The following BMP8A variants were observed in gnomAD, a reference collection of about 807,000 sequenced individuals.
The protein encoded by BMP8A is BMP-8A.
BMP8A carries 14 observed loss-of-function variants against 36.8 expected under a neutral mutation model. The observed-to-expected ratio is 0.38, with a 90% CI of 0.25 to 0.60. The LOEUF (loss-of-function observed/expected upper bound fraction) is 0.60, where lower values mean the gene tolerates loss of function less well. Among genes scored for constraint, BMP8A ranks in the 20% least tolerant of loss-of-function variants. BMP8A has a pLI of 0.63. For synonymous variants in BMP8A, 120 were observed against 237.7 expected (o/e 0.50, Z 4.55); for missense variants, 267 against 551.1 (o/e 0.48, Z 5.16).
At chr1:39,497,353 C>T (rs940091246) in intron 1 of BMP8A, among the ~76,000 whole-genome samples, 1 of 152,174 alleles carries the variant, frequency 6.6e-6, no homozygotes, top group East Asian at 1.9e-4. Context: ...GCCAGCCTCC[C>T]GGGGTTGCAT....
At chr1:39,503,729 G>A (rs980684394) in intron 1 of BMP8A, among the ~76,000 whole-genome samples, 8 of 151,786 alleles carry the variant, frequency 5.3e-5, no homozygotes, top group African/African-American at 1.9e-4. Flanking sequence ...TGGCCAGGAT[G>A]GTCTCGATCT....
chr1:39,513,960 TAA>T (rs1645377551), intron 3 of BMP8A, among the ~76,000 whole-genome samples: 1 of 151,112 alleles, frequency 6.6e-6, no homozygotes, highest in Non-Finnish European at 1.5e-5. Context: ...GACGCCAGAG[TAA>T]AGTGTTTCCA....
Position 39,526,053 on chromosome 1 carries a change from T to G in BMP8A, c.*255T>G. On this transcript the variant is annotated 3_prime_UTR_variant, in exon 7 of 7. Transcript: ENST00000331593. ...GCCTCAGAGCCTGTGCTGACTGCAC[T>G]GTCTGGAGTCAGCACAGAAGTCCTA... 1.8e-6 allele frequency: 1 copy of G among 560,502 alleles called. No homozygotes were observed. The highest frequency in any genetic ancestry group is 2.2e-5 in the South Asian group (1 of 46,400). 34.7% of individuals were successfully genotyped at this position (560,502 alleles called of 1,614,324 possible).
intron 1 of BMP8A, among the ~76,000 whole-genome samples, chr1:39,508,521 G>A (rs751710582): frequency 2.6e-5 from 4 of 152,206 alleles, no homozygotes; most frequent in African/African-American, 9.7e-5. Flanking sequence ...CCACAGGGTC[G>A]GGACTGGGAC....
intron 1 of BMP8A, among the ~76,000 whole-genome samples, chr1:39,496,268 G>A (rs1645204417): frequency 7.1e-6 from 1 of 140,188 alleles, no homozygotes; most frequent in Admixed American, 7.1e-5. Flanking sequence ...TGCCCTCAGG[G>A]AGATGACTTT....
chr1:39,492,215 T>A lies in BMP8A; in HGVS notation c.224T>A (p.Leu75His). ...TCCCGGCTGCCCGCGTCCGCGCCGC[T>A]CTTCATGCTGGACCTGTACCACGCC... ...AASRLPASAP[L>H]FMLDLYHAMA... The change falls in exon 1 of 7, where the codon CTC (leucine) becomes CAC (histidine). Residue 75 changes from leucine (L) to histidine (H), a missense_variant. Leu to His is a moderately conservative substitution (Grantham distance 99). Transcript: ENST00000331593. The A allele has an allele frequency of 1.4e-6, 2 of 1,475,350 alleles. No homozygotes were observed. Among genetic ancestry groups the A allele is most frequent in the Non-Finnish European group, 1.8e-6 (2 of 1,123,638 alleles). The allele number at this position is 1,475,350 out of a possible 1,614,324, so 91.4% of individuals were successfully genotyped here. A position where few individuals can be genotyped will look rare whatever the true frequency, so the allele number is the denominator to read the frequency against.
At chr1:39,508,811 G>C (rs1377499503) in intron 1 of BMP8A, among the ~76,000 whole-genome samples, 1 of 152,162 alleles carries the variant, frequency 6.6e-6, no homozygotes, top group African/African-American at 2.4e-5. Context: ...ATCAGTTTCT[G>C]ATAAAAATCA....
At chr1:39,506,287 G>A (rs1409227215) in intron 1 of BMP8A, among the ~76,000 whole-genome samples, 1 of 152,088 alleles carries the variant, frequency 6.6e-6, no homozygotes, top group Non-Finnish European at 1.5e-5. Context: ...TTGGCTCACT[G>A]CAACCTCTGC....
rs777152183 is a variant in BMP8A at position 39,525,768 on chromosome 1, C to T, written c.1179C>T (p.Asn393=). 6.8e-6 allele frequency: 11 copies of T among 1,614,114 alleles called. No homozygotes were observed. The South Asian group carries it at 1.1e-4, about 16-fold the overall frequency. ...ACGTCATCCTGCGCAAGCACCGCAA[C>T]ATGGTGGTCAAGGCCTGCGGCTGCC... ...SNNVILRKHR[N]MVVKACGCH Residue 393 remains asparagine, a synonymous_variant, in exon 7 of 7, where the codon AAC becomes AAT. Coordinates refer to ENST00000331593, the MANE Select transcript of BMP8A (RefSeq NM_181809.4).
chr1:39,493,509 G>T (rs1409831520), intron 1 of BMP8A, among the ~76,000 whole-genome samples: 1 of 152,194 alleles, frequency 6.6e-6, no homozygotes, highest in African/African-American at 2.4e-5. Context: ...GAGGAGTCTG[G>T]GCTGAGGAAC....
rs1335895938 is a variant in BMP8A, at chr1:39,528,059, G to A, written c.*2261G>A. Among the ~76,000 whole-genome samples the A allele has an allele frequency of 2.0e-5, 3 of 152,212 alleles. No homozygotes were observed. The highest frequency in any genetic ancestry group is 2.9e-5 in the Non-Finnish European group (2 of 68,042). On this transcript the variant is annotated 3_prime_UTR_variant, in exon 7 of 7. Coordinates refer to ENST00000331593, the MANE Select transcript of BMP8A (RefSeq NM_181809.4). ...AAATGTGTGGTCTCTTCAGTGCCCA[G>A]TGTGTAACCTGGCATGGTTTGGGTG...
At chr1:39,523,370 T>C (rs1256462515) in intron 6 of BMP8A, among the ~76,000 whole-genome samples, 1 of 152,220 alleles carries the variant, frequency 6.6e-6, no homozygotes, top group Non-Finnish European at 1.5e-5. Flanking sequence ...GCCTGTTCTA[T>C]GCACTGAACA....
intron 1 of BMP8A, among the ~76,000 whole-genome samples, chr1:39,498,473 G>C (rs905108024): frequency 6.6e-6 from 1 of 152,190 alleles, no homozygotes; most frequent in South Asian, 2.1e-4. Flanking sequence ...TTTTAATTTG[G>C]GGTCCAGAAC....
At chr1:39,522,532 T>A (rs1186796853) in intron 5 of BMP8A, 50 bp downstream of exon 5, 1 of 1,594,970 alleles carries the variant, frequency 6.3e-7, no homozygotes, top group Admixed American at 1.7e-5. Flanking sequence ...CACCTGTAGA[T>A]CAGAAGTGAA....
chr1:39,500,713 T>C (rs940151573), intron 1 of BMP8A, among the ~76,000 whole-genome samples: 32 of 152,004 alleles, frequency 2.1e-4, no homozygotes, highest in Non-Finnish European at 8.8e-5. Flanking sequence ...AGTGCAGTGG[T>C]ACAGTTTCAG....
At chr1:39,493,102 G>T (rs1645175591) in intron 1 of BMP8A, among the ~76,000 whole-genome samples, 1 of 152,186 alleles carries the variant, frequency 6.6e-6, no homozygotes, top group South Asian at 2.1e-4. Flanking sequence ...CTATGCTCGT[G>T]TAGTTACTGT....
In BMP8A at chr1:39,528,600, G is replaced by A. The variant is rs962295348; in HGVS notation, c.*2802G>A. ...TCTTTACATAGGGACCGGGCGATGC[G>A]CTTTAGAGAAATTCCCTATTATTTC... On this transcript the variant is annotated 3_prime_UTR_variant, in exon 7 of 7. Coordinates refer to ENST00000331593, the MANE Select transcript of BMP8A (RefSeq NM_181809.4). Among the ~76,000 whole-genome samples the A allele has an allele frequency of 5.9e-5, 9 of 151,988 alleles. No homozygotes were observed.
intron 3 of BMP8A, among the ~76,000 whole-genome samples, chr1:39,517,791 G>T (rs1645404418): frequency 6.6e-6 from 1 of 152,264 alleles, no homozygotes; most frequent in Non-Finnish European, 1.5e-5. Flanking sequence ...GAAGGGACCG[G>T]GTGATGGGAG....
chr1:39,492,467 G>A, intron 1 of BMP8A, 142 bp downstream of exon 1: 2 of 1,332,942 alleles, frequency 1.5e-6, no homozygotes, highest in Non-Finnish European at 1.9e-6. Context: ...GGACCGCCGT[G>A]GTTAGGGAAG....
Sources: gnomAD v4.1 joint callset for allele counts (sites outside exome capture counted in the v4.1 genomes callset) on GRCh38, gnomAD v4.1.1 for gene constraint, MANE v1.5 for transcripts, NCBI Gene and HGNC (gene_info 2026-07-23, HGNC 2026-07-21) for gene names.